OSBPL1A: variants seen among roughly 807,000 people sequenced by gnomAD.
OSBPL1A encodes the protein oxysterol binding protein like 1A, also known as oxysterol-binding protein-related protein 1.
A neutral mutation model predicts 137.1 loss-of-function variants in OSBPL1A; 80 were observed. That is an observed-to-expected ratio of 0.58 (90% CI 0.49 to 0.70). The LOEUF is 0.70. OSBPL1A is among the 30% of genes least tolerant of loss of function. OSBPL1A has a pLI of 0.00. For synonymous variants in OSBPL1A, 365 were observed against 389.7 expected, an observed-to-expected ratio of 0.94 and a Z score of 0.75; for missense variants, 970 against 1,129.4, an observed-to-expected ratio of 0.86 and a Z score of 2.02.
At chr18:24,282,687 G>A (rs1234285496) in intron 14 of OSBPL1A, among the ~76,000 whole-genome samples, 2 of 152,178 alleles carry the variant, frequency 1.3e-5, no homozygotes, top group Non-Finnish European at 2.9e-5. Flanking sequence ...CTGATATTTT[G>A]TTAATTAGAC....
At chr18:24,240,480 T>C (rs926308789) in intron 15 of OSBPL1A, among the ~76,000 whole-genome samples, 2 of 152,198 alleles carry the variant, frequency 1.3e-5, no homozygotes, top group Admixed American at 1.3e-4. Context: ...GTTTTGCCTA[T>C]TTTCATATCA....
At chr18:24,328,381 T>C (rs189119576) in intron 7 of OSBPL1A, among the ~76,000 whole-genome samples, 9 of 151,916 alleles carry the variant, frequency 5.9e-5, no homozygotes, top group South Asian at 2.1e-4. Flanking sequence ...TTGACATCAA[T>C]ATTTGCTTTT....
intron 5 of OSBPL1A, among the ~76,000 whole-genome samples, chr18:24,341,050 C>T (rs2091266126): frequency 6.6e-6 from 1 of 152,166 alleles, no homozygotes; most frequent in African/African-American, 2.4e-5. Flanking sequence ...GACCAAAGTA[C>T]AGTAGCTCAA....
intron 14 of OSBPL1A, among the ~76,000 whole-genome samples, chr18:24,299,449 GTTTA>G (rs1319674707): frequency 6.6e-6 from 1 of 151,936 alleles, no homozygotes; most frequent in Admixed American, 6.6e-5. Context: ...TTCACGTAGA[GTTTA>G]TTTGTCTGAA....
At chr18:24,260,390 C>G (rs181438659) in intron 15 of OSBPL1A, among the ~76,000 whole-genome samples, 25 of 152,172 alleles carry the variant, frequency 1.6e-4, no homozygotes, top group African/African-American at 5.3e-4. Context: ...TTGCAACAGC[C>G]AAAAGGTAGA....
At chr18:24,208,733 T>C (rs2087444803) in intron 17 of OSBPL1A, among the ~76,000 whole-genome samples, 1 of 152,258 alleles carries the variant, frequency 6.6e-6, no homozygotes, top group South Asian at 2.1e-4. Context: ...ATCAACTTTA[T>C]GCCAGATGAT....
chr18:24,303,838 TG>T, intron 13 of OSBPL1A, 120 bp from the exon 14 acceptor site: 1 of 699,920 alleles, frequency 1.4e-6, no homozygotes, highest in South Asian at 2.0e-5. Context: ...CAGAGACATA[TG>T]CCTTAAAGAA....
chr18:24,188,666 T>C (rs1195491300), intron 18 of OSBPL1A, among the ~76,000 whole-genome samples: 3 of 152,210 alleles, frequency 2.0e-5, no homozygotes, highest in Non-Finnish European at 4.4e-5. Flanking sequence ...ACCTGGACCT[T>C]GGAAGAGTGT....
chr18:24,337,976 T>C (rs1301226534), intron 5 of OSBPL1A, among the ~76,000 whole-genome samples: 1 of 151,946 alleles, frequency 6.6e-6, no homozygotes, highest in Non-Finnish European at 1.5e-5. Flanking sequence ...CAACCAGATA[T>C]GGCAAAATGT....
intron 15 of OSBPL1A, among the ~76,000 whole-genome samples, chr18:24,273,886 T>C (rs1281887080): frequency 6.6e-6 from 1 of 152,014 alleles, no homozygotes; most frequent in Non-Finnish European, 1.5e-5. Flanking sequence ...TGGGGAACTG[T>C]ATGCTGGAGT....
intron 4 of OSBPL1A, among the ~76,000 whole-genome samples, chr18:24,343,178 G>A (rs1291922207): frequency 6.6e-6 from 1 of 151,752 alleles, no homozygotes; most frequent in African/African-American, 2.4e-5. Context: ...AGACAACAAT[G>A]AACAATCCAA....
At chr18:24,338,868 C>T (rs967441973) in intron 5 of OSBPL1A, among the ~76,000 whole-genome samples, 3 of 152,100 alleles carry the variant, frequency 2.0e-5, no homozygotes, top group East Asian at 1.9e-4. Context: ...TGCCTGCCAC[C>T]GTGCCCAGCT....
chr18:24,200,312 C>T (rs564157653), intron 17 of OSBPL1A, among the ~76,000 whole-genome samples: 66 of 152,176 alleles, frequency 4.3e-4, no homozygotes, highest in African/African-American at 1.5e-3. Flanking sequence ...GCCTGTAATC[C>T]CAACACTTTG....
intron 15 of OSBPL1A, among the ~76,000 whole-genome samples, chr18:24,239,770 T>TA (rs949100149): frequency 3.3e-5 from 5 of 152,068 alleles, no homozygotes; most frequent in African/African-American, 1.2e-4. Context: ...ACAAAAATTT[T>TA]AAAAAAATTC....
intron 21 of OSBPL1A, among the ~76,000 whole-genome samples, chr18:24,175,123 T>TACAC (rs1201998693): frequency 2.3e-5 from 3 of 130,986 alleles, no homozygotes; most frequent in African/African-American, 1.0e-4. Flanking sequence ...TATATATATA[T>TACAC]ATATATATAT....
chr18:24,358,279 A>G (rs529920219), intron 4 of OSBPL1A: 2 of 580,382 alleles, frequency 3.4e-6, no homozygotes, highest in Non-Finnish European at 6.1e-6. Context: ...TGACTGTCCC[A>G]GTGTATAAAG....
At chr18:24,210,867 G>A (rs1339419135) in intron 17 of OSBPL1A, among the ~76,000 whole-genome samples, 1 of 151,932 alleles carries the variant, frequency 6.6e-6, no homozygotes, top group South Asian at 2.1e-4. Flanking sequence ...TTTATCTATT[G>A]CTATTTATCA....
At chr18:24,370,275 A>G (rs991945086) in intron 2 of OSBPL1A, among the ~76,000 whole-genome samples, 1 of 152,172 alleles carries the variant, frequency 6.6e-6, no homozygotes, top group Non-Finnish European at 1.5e-5. Context: ...CTCCACTCAC[A>G]TCACAGCTCC....
At chr18:24,178,343 G>A in intron 20 of OSBPL1A, 148 bp from the exon 21 acceptor site, 1 of 808,650 alleles carries the variant, frequency 1.2e-6, no homozygotes, top group Non-Finnish European at 1.8e-6. Context: ...GCTCAGGCTG[G>A]AGCAGTGGCG....
Sources: gnomAD v4.1 joint callset for allele counts (sites outside exome capture counted in the v4.1 genomes callset) on GRCh38, gnomAD v4.1.1 for gene constraint, MANE v1.5 for transcripts, NCBI Gene and HGNC (gene_info 2026-07-23, HGNC 2026-07-21) for gene names.